DYNLRB1: variants seen among roughly 807,000 people sequenced by gnomAD.
DYNLRB1 encodes dynein light chain roadblock-type 1.
DYNLRB1 carries 6 observed loss-of-function variants against 13.5 expected under a neutral mutation model. That is an observed-to-expected ratio of 0.44 (90% CI 0.24 to 0.88). DYNLRB1 has a LOEUF of 0.88. DYNLRB1 is among the 40% of genes least tolerant of loss of function. DYNLRB1 has a pLI of 0.21. For synonymous variants in DYNLRB1, 43 were observed against 45.0 expected (o/e 0.96, Z 0.18); for missense variants, 93 against 127.2 (o/e 0.73, Z 1.29).
At chr20:34,519,825 A>G (rs910726560) in intron 1 of DYNLRB1, among the ~76,000 whole-genome samples, 1 of 152,224 alleles carries the variant, frequency 6.6e-6, no homozygotes, top group Non-Finnish European at 1.5e-5. Flanking sequence ...GACCTTTAGA[A>G]TAATGATATA....
intron 2 of DYNLRB1, among the ~76,000 whole-genome samples, chr20:34,531,692 G>T (rs1752296554): frequency 6.6e-6 from 1 of 152,184 alleles, no homozygotes; most frequent in South Asian, 2.1e-4. Context: ...ACACTAGTGA[G>T]CAAATCAGAC....
At chr20:34,528,980 C>G (rs2146635893) in intron 2 of DYNLRB1, among the ~76,000 whole-genome samples, 1 of 150,946 alleles carries the variant, frequency 6.6e-6, no homozygotes, top group African/African-American at 2.4e-5. Context: ...GACCTTGTCT[C>G]TTTAAAAAAA....
In DYNLRB1 at chr20:34,526,310, G is replaced by A; in HGVS notation, c.46G>A (p.Gly16Arg). 1.2e-6 allele frequency: 2 copies of A among 1,614,140 alleles called. No homozygotes were observed. Among genetic ancestry groups the A allele is most frequent in the Non-Finnish European group, 1.7e-6 (2 of 1,180,020 alleles). The change falls in exon 2 of 4, where the codon GGA (glycine) becomes AGA (arginine). Residue 16 changes from glycine to arginine, a missense_variant. Physicochemically the swap from Gly to Arg is moderately radical, Grantham distance 125. Coordinates refer to ENST00000357156, the MANE Select transcript of DYNLRB1 (RefSeq NM_014183.4). ...ETLKRLQSQK[G>R]VQGIIVVNTE... ...ACTGAAGCGACTGCAGAGCCAGAAGGGAGTGCAGGGAATCATCGTCGTGAA... is the reference window on the plus strand; with the variant it reads ...ACTGAAGCGACTGCAGAGCCAGAAGAGAGTGCAGGGAATCATCGTCGTGAA...
intron 1 of DYNLRB1, among the ~76,000 whole-genome samples, chr20:34,521,606 A>G (rs767249604): frequency 5.9e-5 from 9 of 152,154 alleles, no homozygotes; most frequent in Non-Finnish European, 1.0e-4. Context: ...TGCTGAGCCA[A>G]TGGATCCTCC....
intron 2 of DYNLRB1, among the ~76,000 whole-genome samples, chr20:34,527,671 T>C (rs1980338036): frequency 6.6e-6 from 1 of 152,226 alleles, no homozygotes; most frequent in Non-Finnish European, 1.5e-5. Flanking sequence ...GAGGAATCTG[T>C]GTGTTTACGA....
At chr20:34,529,930 C>A in intron 2 of DYNLRB1, 1 of 1,464,324 alleles carries the variant, frequency 6.8e-7, no homozygotes. Context: ...GTTGGGTGGC[C>A]TGAGGCAACT....
At chr20:34,516,292 T>C, upstream of DYNLRB1, 1 of 1,167,510 alleles carries the variant, frequency 8.6e-7, no homozygotes, top group East Asian at 2.6e-5. Context: ...GAAAGCAGAT[T>C]TTCCAAGAAT....
In DYNLRB1 at chr20:34,519,830, G is replaced by T. The variant is rs943587608; in HGVS notation, c.3+3369G>T. Reference sequence around the variant, plus strand: ...GGTGGAAACTGACCTTTAGAATAATGATATAAAAATCATCTATAATTGGCC... The same window carrying T: ...GGTGGAAACTGACCTTTAGAATAATTATATAAAAATCATCTATAATTGGCC... On this transcript the variant is annotated intron_variant, in intron 1 of 3. Transcript: ENST00000357156. 2.0e-5 allele frequency among the ~76,000 whole-genome samples: 3 copies of T among 152,148 alleles called. No individual in the cohort carries two copies. The East Asian group carries it at 5.8e-4, about 29-fold the overall frequency.
intron 2 of DYNLRB1, among the ~76,000 whole-genome samples, chr20:34,528,336 A>AAAAAAC (rs1980417891): frequency 6.9e-6 from 1 of 144,898 alleles, no homozygotes; most frequent in Non-Finnish European, 1.6e-5. Flanking sequence ...AAAAAAAAAA[A>AAAAAAC]AAAAAAAACT....
intron 3 of DYNLRB1, chr20:34,535,667 G>A (rs1388826695): frequency 2.0e-6 from 2 of 985,242 alleles, no homozygotes; most frequent in East Asian, 1.1e-4. Context: ...CGTGCGTCAC[G>A]TATGCGCGTG....
At chr20:34,524,571 T>A (rs1980020847) in intron 1 of DYNLRB1, among the ~76,000 whole-genome samples, 1 of 152,178 alleles carries the variant, frequency 6.6e-6, no homozygotes, top group African/African-American at 2.4e-5. Context: ...CCTTTCAGAA[T>A]AGCCGTTGGC....
chr20:34,516,361 G>C (rs1166501428), upstream of DYNLRB1: 3 of 1,557,678 alleles, frequency 1.9e-6, no homozygotes, highest in Admixed American at 3.6e-5. Context: ...CTGATAGGCA[G>C]CTAGAGCTGT....
intron 3 of DYNLRB1, among the ~76,000 whole-genome samples, chr20:34,537,920 G>C (rs1351964769): frequency 5.9e-5 from 9 of 151,692 alleles, no homozygotes. Flanking sequence ...GTTCCAGACA[G>C]TGTGGCTCTC....
intron 2 of DYNLRB1, chr20:34,526,655 G>C (rs1980249153): frequency 5.6e-6 from 2 of 357,358 alleles, no homozygotes; most frequent in South Asian, 7.4e-5. Flanking sequence ...CCACCACCCT[G>C]ACAGATCACA....
intron 3 of DYNLRB1, chr20:34,536,037 A>G (rs1174008293): frequency 1.0e-6 from 1 of 985,306 alleles, no homozygotes; most frequent in Non-Finnish European, 1.2e-6. Flanking sequence ...AAAGAACTAT[A>G]GAGCCAGTCA....
chr20:34,530,275 C>G, intron 2 of DYNLRB1: 1 of 1,022,744 alleles, frequency 9.8e-7, no homozygotes, highest in Non-Finnish European at 1.2e-6. Context: ...GCTGATTGCA[C>G]CATAGCTGAG....
intron 3 of DYNLRB1, among the ~76,000 whole-genome samples, chr20:34,540,037 G>A (rs1324778842): frequency 1.3e-5 from 2 of 152,204 alleles, no homozygotes; most frequent in Admixed American, 1.3e-4. Flanking sequence ...AAGTATGTCG[G>A]AATTCCATCT....
intron 1 of DYNLRB1, among the ~76,000 whole-genome samples, chr20:34,519,734 C>T (rs1180148611): frequency 1.3e-5 from 2 of 151,978 alleles, no homozygotes; most frequent in Non-Finnish European, 2.9e-5. Context: ...GTCTTTTTTG[C>T]ACTCATGCTA....
At chr20:34,518,621 TG>T (rs1400183765) in intron 1 of DYNLRB1, among the ~76,000 whole-genome samples, 1 of 151,790 alleles carries the variant, frequency 6.6e-6, no homozygotes. Flanking sequence ...CTAATTTTTT[TG>T]TATTTTTTTT....
Sources: allele counts gnomAD v4.1 joint callset (sites outside exome capture counted in the v4.1 genomes callset), GRCh38; gene constraint gnomAD v4.1.1; transcripts MANE v1.5; gene names NCBI Gene and HGNC (gene_info 2026-07-23, HGNC 2026-07-21).